FBP2: variants seen among roughly 807,000 people sequenced by gnomAD.
FBP2 encodes the protein fructose-1,6-bisphosphatase isozyme 2.
FBP2 carries 27 observed loss-of-function variants against 31.6 expected under a neutral mutation model. The observed-to-expected ratio is 0.85, with a 90% CI of 0.63 to 1.18. The LOEUF is 1.18. FBP2 is among the 50% of genes most tolerant of loss of function. The pLI is 0.00. For missense variants in FBP2, 421 were observed against 436.1 expected (o/e 0.97, Z 0.31); for synonymous variants, 168 against 179.8 (o/e 0.93, Z 0.53).
rs1186531015 is a variant in FBP2 at position 94,584,661 on chromosome 9, G to A, written c.342C>T (p.Tyr114=). The A allele has an allele frequency of 8.7e-6, 14 of 1,608,390 alleles. No homozygotes were observed. Among genetic ancestry groups the A allele is most frequent in the African/African-American group, 1.3e-5 (1 of 74,790 alleles). Residue 114 remains tyrosine (Y), a synonymous_variant, in exon 3 of 7, where the codon TAC becomes TAT. Transcript: ENST00000375337. ...IITAKEKRGK[Y]VVCFDPLDGS... ...CATCCAGTGGGTCAAAGCAGACCAC[G>A]TATTTCCCCTAAATCAGAGAGGAAA...
chr9:94,586,401 G>A (rs1171985657), intron 2 of FBP2, among the ~76,000 whole-genome samples: 3 of 152,116 alleles, frequency 2.0e-5, no homozygotes, highest in Non-Finnish European at 2.9e-5. Context: ...AAATAAATAA[G>A]TAAATAAATA....
intron 6 of FBP2, among the ~76,000 whole-genome samples, chr9:94,562,040 T>A (rs12683919): frequency 6.6e-6 from 1 of 151,988 alleles, no homozygotes; most frequent in Non-Finnish European, 1.5e-5. Context: ...CGCCGGGCGC[T>A]GTGACTCATA....
chr9:94,588,594 A>C (rs1010180679), intron 1 of FBP2, among the ~76,000 whole-genome samples: 4 of 152,198 alleles, frequency 2.6e-5, no homozygotes, highest in African/African-American at 9.6e-5. Flanking sequence ...ACTGCACTGC[A>C]GCCTGAGCGA....
chr9:94,589,959 G>T (rs190975893), intron 1 of FBP2, among the ~76,000 whole-genome samples: 2 of 152,156 alleles, frequency 1.3e-5, no homozygotes, highest in African/African-American at 2.4e-5. Context: ...ATCTGAATGC[G>T]CTTGCCACTG....
intron 3 of FBP2, among the ~76,000 whole-genome samples, chr9:94,580,736 C>T (rs1208058476): frequency 6.6e-6 from 1 of 152,176 alleles, no homozygotes; most frequent in Non-Finnish European, 1.5e-5. Context: ...TTACAGGTTC[C>T]AGACAGGTCA....
At chr9:94,587,973 G>T (rs1166861867) in intron 1 of FBP2, among the ~76,000 whole-genome samples, 1 of 151,770 alleles carries the variant, frequency 6.6e-6, no homozygotes, top group Admixed American at 6.6e-5. Flanking sequence ...CTCAGCCTCC[G>T]GAGTAGCTGG....
At position 94,584,664 on chromosome 9, in the gene FBP2, T is replaced by G; in HGVS notation, c.339A>C (p.Lys113Asn). ...AIITAKEKRGKYVVCFDPLDG... is the reference protein window; with the variant it reads ...AIITAKEKRGNYVVCFDPLDG... ...CCAGTGGGTCAAAGCAGACCACGTA[T>G]TTCCCCTAAATCAGAGAGGAAAGCA... is the stretch of plus-strand genomic sequence containing the variant. The change falls in exon 3 of 7, where the codon AAA (lysine) becomes AAC (asparagine). Residue 113 changes from lysine (K) to asparagine (N), a missense_variant. Coordinates refer to ENST00000375337, the MANE Select transcript of FBP2 (RefSeq NM_003837.4). 1.2e-6 allele frequency: 2 copies of G among 1,608,982 alleles called. No individual in the cohort carries two copies. Among genetic ancestry groups the G allele is most frequent in the Non-Finnish European group, 1.7e-6 (2 of 1,175,320 alleles).
rs950003277 is a variant in FBP2, at chr9:94,587,332, G to A, written c.308C>T (p.Ala103Val). The A allele has an allele frequency of 7.4e-6, 12 of 1,612,262 alleles. No individual in the cohort carries two copies. Among genetic ancestry groups the A allele is most frequent in the Non-Finnish European group, 1.0e-5 (12 of 1,179,592 alleles). ...CVLVSEENKD[A>V]IITAKEKRGK... ...CCGCTTCTCCTTGGCGGTGATGATG[G>A]CGTCCTTATTCTCTTCTGAGACCAG... The change falls in exon 2 of 7, where the codon GCC (alanine) becomes GTC (valine). Residue 103 changes from alanine to valine, a missense_variant. By Grantham distance (64) the Ala-to-Val change is moderately conservative. Transcript: ENST00000375337.
At chr9:94,575,279 C>T (rs1787624832) in intron 3 of FBP2, among the ~76,000 whole-genome samples, 1 of 152,196 alleles carries the variant, frequency 6.6e-6, no homozygotes, top group South Asian at 2.1e-4. Flanking sequence ...CTAGTAGTCT[C>T]TTCCAGTCAC....
At position 94,582,578 on chromosome 9, in the gene FBP2, C is replaced by T. The variant is rs1440909524; in HGVS notation, c.426+1999G>A. On this transcript the variant is annotated intron_variant, in intron 3 of 6. Coordinates refer to ENST00000375337, the MANE Select transcript of FBP2 (RefSeq NM_003837.4). ...TTTTTTTTTTTTTGAGACGGAGTCT[C>T]GCTCTGTCACCCAGGCTAGAGTGCA... 2.0e-4 allele frequency among the ~76,000 whole-genome samples: 28 copies of T among 142,842 alleles called. No individual in the cohort carries two copies. In the East Asian group the frequency reaches 4.8e-3, roughly 25 times the overall value. 93.7% of individuals were successfully genotyped at this position (142,842 alleles called of 152,430 possible). A position where few individuals can be genotyped will look rare whatever the true frequency, so the allele number is the denominator to read the frequency against.
chr9:94,590,577 C>G (rs187317631), intron 1 of FBP2, among the ~76,000 whole-genome samples: 1 of 152,140 alleles, frequency 6.6e-6, no homozygotes, highest in African/African-American at 2.4e-5. Context: ...GTTCGTTCCT[C>G]CCAGTGGGCT....
intron 3 of FBP2, among the ~76,000 whole-genome samples, chr9:94,579,050 C>A (rs1171821808): frequency 7.3e-3 from 222 of 30,550 alleles, no homozygotes; most frequent in Middle Eastern, 0.025. Context: ...GAGACTCTGT[C>A]AAAAAAAAAA....
At chr9:94,573,186 A>C (rs1827286215) in intron 3 of FBP2, 1 of 152,212 alleles carries the variant, frequency 6.6e-6, no homozygotes, top group Admixed American at 6.5e-5. Context: ...GTCTTTCACC[A>C]TTAAATGTAA....
intron 3 of FBP2, among the ~76,000 whole-genome samples, chr9:94,575,762 C>T (rs1827309312): frequency 1.3e-5 from 2 of 152,200 alleles, no homozygotes; most frequent in Admixed American, 1.3e-4. Context: ...TTTGCCAACA[C>T]TTGGTATGCT....
At chr9:94,568,907 C>G (rs1827233344) in intron 4 of FBP2, 2 of 152,226 alleles carry the variant, frequency 1.3e-5, no homozygotes, top group African/African-American at 4.8e-5. Context: ...TTTAGAATTA[C>G]CAAGCAAAAC....
At chr9:94,561,802 C>T (rs1296507297) in intron 6 of FBP2, among the ~76,000 whole-genome samples, 3 of 152,230 alleles carry the variant, frequency 2.0e-5, no homozygotes, top group South Asian at 2.1e-4. Flanking sequence ...AGCAGAAATG[C>T]GGAGATTAGG....
chr9:94,575,094 T>C (rs187862441), intron 3 of FBP2, among the ~76,000 whole-genome samples: 1 of 152,218 alleles, frequency 6.6e-6, no homozygotes, highest in Non-Finnish European at 1.5e-5. Context: ...TTCCTTTTTG[T>C]TGAGGTATAA....
chr9:94,579,909 T>A (rs1188554765), intron 3 of FBP2, among the ~76,000 whole-genome samples: 1 of 152,238 alleles, frequency 6.6e-6, no homozygotes, highest in Non-Finnish European at 1.5e-5. Context: ...TTTCCTACAT[T>A]ATTACTTGAT....
At chr9:94,563,986 A>C (rs1397431526) in intron 5 of FBP2, among the ~76,000 whole-genome samples, 1 of 152,206 alleles carries the variant, frequency 6.6e-6, no homozygotes. Flanking sequence ...CAGATTCATA[A>C]AGCAAGTCCT....
Sources: allele counts gnomAD v4.1 joint callset (sites outside exome capture counted in the v4.1 genomes callset), GRCh38; gene constraint gnomAD v4.1.1; transcripts MANE v1.5; gene names NCBI Gene and HGNC (gene_info 2026-07-23, HGNC 2026-07-21).